The following SFPQ variants were observed in gnomAD, a reference collection of about 807,000 sequenced individuals.
SFPQ encodes the protein splicing factor, proline- and glutamine-rich.
In SFPQ, 11 loss-of-function variants were observed where a neutral mutation model predicts 72.9. The observed-to-expected ratio is 0.15, with a 90% confidence interval of 0.09 to 0.25. SFPQ has a LOEUF of 0.25. Ranked by LOEUF, SFPQ falls within the 10% of genes least tolerant of loss-of-function variation. The probability of loss-of-function intolerance (pLI) is 1.00; values close to 1 mark genes in which losing one functional copy is unlikely to be tolerated. For missense variants in SFPQ, 847 were observed against 993.3 expected (o/e 0.85, Z 1.98); for synonymous variants, 506 against 367.3 (o/e 1.38, Z -4.32).
downstream of SFPQ, chr1:35,181,344 T>C: frequency 9.4e-7 from 1 of 1,065,412 alleles, no homozygotes; most frequent in Non-Finnish European, 1.1e-6. Flanking sequence ...CTTAGTGGCT[T>C]GCCCAAGAAA....
At chr1:35,181,354 A>G (rs1259711116), downstream of SFPQ, 8 of 1,065,132 alleles carry the variant, frequency 7.5e-6, no homozygotes, top group Non-Finnish European at 6.8e-6. Context: ...TGCCCAAGAA[A>G]AGCCAAGTAT....
intron 5 of SFPQ, chr1:35,177,242 CATTAGT>C (rs1639283687): frequency 6.6e-6 from 1 of 152,112 alleles, no homozygotes; most frequent in Non-Finnish European, 1.5e-5. Flanking sequence ...ATGGTTCCCA[CATTAGT>C]ATTGTTATTT....
At position 35,185,438 on chromosome 1, in the gene SFPQ, C is replaced by A. The variant is rs553637971; in HGVS notation, c.1987-845G>T. On this transcript the variant is annotated intron_variant, in intron 9 of 9. Transcript: ENST00000357214. ...TAGACACTTCCCGAACAGTGAAACACGAAGCTAAAGTAACTGCAATAAAGC... is the reference window on the plus strand; with the variant it reads ...TAGACACTTCCCGAACAGTGAAACAAGAAGCTAAAGTAACTGCAATAAAGC... 2.0e-5 allele frequency among the ~76,000 whole-genome samples: 3 copies of A among 152,298 alleles called. No homozygotes were observed. In the South Asian group the frequency reaches 6.2e-4, roughly 32 times the overall value.
At chr1:35,181,758 C>T (rs1639477348), downstream of SFPQ, 2 of 985,352 alleles carry the variant, frequency 2.0e-6, no homozygotes, top group African/African-American at 3.5e-5. Context: ...CCCTTTCCCA[C>T]CCCAAGTTTC....
chr1:35,192,160 GGGC>G, intron 1 of SFPQ, 59 bp downstream of exon 1: 20 of 1,259,286 alleles, frequency 1.6e-5, no homozygotes, highest in Non-Finnish European at 2.0e-5. Context: ...GCGGGGGCGG[GGGC>G]GAGGAGGGGG....
chr1:35,185,898 T>A (rs1375663906), intron 9 of SFPQ, among the ~76,000 whole-genome samples: 2 of 152,148 alleles, frequency 1.3e-5, no homozygotes, highest in Non-Finnish European at 2.9e-5. Context: ...ATCTAGAATA[T>A]AAACCTTTAA....
chr1:35,181,225 TCA>T (rs1018257327), downstream of SFPQ: 4 of 1,065,680 alleles, frequency 3.8e-6, no homozygotes, highest in East Asian at 5.0e-5. Context: ...ACTACGTTCC[TCA>T]CAGTTACGCA....
In SFPQ at chr1:35,187,092, G is replaced by A; in HGVS notation, c.1895C>T (p.Pro632Leu). 1 of 1,613,928 alleles carries A rather than the reference G, an allele frequency of 6.2e-7. No homozygotes were observed. Among genetic ancestry groups the A allele is most frequent in the Non-Finnish European group, 8.5e-7 (1 of 1,179,906 alleles). The part of the protein sequence containing the change: ...DPYGSGGQKF[P>L]PLGGGGGIGY... ...TATGCCACCACCACCTCCTAGAGGT[G>A]GAAATTTCTGGCCTCCTGAACCATA... Residue 632 changes from proline (P) to leucine (L), a missense_variant, in exon 9 of 10, where the codon CCA becomes CTA. Transcript: ENST00000357214.
At position 35,191,275 on chromosome 1, in the gene SFPQ, G is replaced by C. The variant is rs967316983; in HGVS notation, c.1017+66C>G. 1.2e-5 allele frequency: 16 copies of C among 1,340,136 alleles called. No homozygotes were observed. In the Admixed American group the frequency reaches 3.0e-4, roughly 25 times the overall value. 83.0% of individuals were successfully genotyped at this position (1,340,136 alleles called of 1,614,324 possible). A position where few individuals can be genotyped will look rare whatever the true frequency, so the allele number is the denominator to read the frequency against. ...CCAGTTTAAAAACCAAGCCTTCAGC[G>C]TTTGTAGTGACAAAAAAATCCCCCA... On this transcript the variant is annotated intron_variant, in intron 2 of 9. Coordinates refer to ENST00000357214, the MANE Select transcript of SFPQ (RefSeq NM_005066.3).
At position 35,190,945 on chromosome 1, in the gene SFPQ, G is replaced by T. The variant is rs772758977; in HGVS notation, c.1068C>A (p.Pro356=). The part of the protein sequence containing the change: ...EIAKAELDDT[P]MRGRQLRVRF... ...GAACTCGAAGCTGTCTACCTCTCAT[G>T]GGTGTATCATCCAGTTCGGCTTTGG... The change falls in exon 3 of 10, where the codon CCC becomes CCA. Residue 356 remains proline, a synonymous_variant. Coordinates refer to ENST00000357214, the MANE Select transcript of SFPQ (RefSeq NM_005066.3). 1 of 1,614,118 alleles carries T rather than the reference G, an allele frequency of 6.2e-7. No individual in the cohort carries two copies. The highest frequency in any genetic ancestry group is 1.1e-5 in the South Asian group (1 of 91,074).
At chr1:35,186,923 C>A (rs1639747252) in intron 9 of SFPQ, 78 bp downstream of exon 9, 2 of 1,456,976 alleles carry the variant, frequency 1.4e-6, no homozygotes, top group Admixed American at 2.2e-5. Context: ...CTTAAAAAAA[C>A]AAAACAAAAC....
Position 35,191,000 on chromosome 1 carries a change from G to GT in SFPQ, c.1018-6dup. 3 of 1,609,976 alleles carry GT rather than the reference G, an allele frequency of 1.9e-6. No homozygotes were observed. The highest frequency in any genetic ancestry group is 1.1e-5 in the South Asian group (1 of 90,694). On this transcript the variant is annotated splice_region_variant and splice_polypyrimidine_tract_variant and intron_variant, in intron 2 of 9. Coordinates refer to ENST00000357214, the MANE Select transcript of SFPQ (RefSeq NM_005066.3). ...TTCAGCCAAAGCTCTAGATTCCTGT[G>GT]TATCAGAGACACTCATGTTAATGAC...
At chr1:35,191,154 C>T (rs1319410517) in intron 2 of SFPQ, among the ~76,000 whole-genome samples, 159 bp from the exon 3 acceptor site, 1 of 152,144 alleles carries the variant, frequency 6.6e-6, no homozygotes, top group Non-Finnish European at 1.5e-5. Flanking sequence ...ACCCACCCCA[C>T]CCCTCTTTTC....
chr1:35,176,814 C>T (rs556424224), intron 5 of SFPQ, among the ~76,000 whole-genome samples: 90 of 149,126 alleles, frequency 6.0e-4, no homozygotes, highest in African/African-American at 2.1e-3. Flanking sequence ...GCGGAGCTTG[C>T]GGTGAGCCAA....
At chr1:35,191,664 G>A (rs372785414) in intron 1 of SFPQ, 135 bp from the exon 2 acceptor site, 1 of 654,204 alleles carries the variant, frequency 1.5e-6, no homozygotes, top group African/African-American at 1.8e-5. Flanking sequence ...TTTACTATGT[G>A]AGATTTCTAA....
At chr1:35,181,073 A>G (rs556490575), downstream of SFPQ, 1 of 1,065,118 alleles carries the variant, frequency 9.4e-7, no homozygotes, top group East Asian at 5.0e-5. Context: ...GTGATGCCAG[A>G]ATGCCCACGG....
At chr1:35,187,902 C>T in intron 7 of SFPQ, 71 bp downstream of exon 7, 2 of 888,410 alleles carry the variant, frequency 2.3e-6, no homozygotes, top group Non-Finnish European at 3.7e-6. Context: ...TTAAAATTTC[C>T]TGTAATTCCT....
At position 35,192,840 on chromosome 1, in the gene SFPQ, T is replaced by C. The variant is rs1640110167; in HGVS notation, c.210A>G (p.Gln70=). Residue 70 remains glutamine (Q), a synonymous_variant, in exon 1 of 10, where the codon CAA becomes CAG. Coordinates refer to ENST00000357214, the MANE Select transcript of SFPQ (RefSeq NM_005066.3). ...IPPPPPHQQQ[Q]QPPPQQPPPQ... ...GCGGTGGCTGCTGCGGTGGTGGCTG[T>C]TGCTGCTGTTGGTGTGGAGGCGGTG... The C allele has an allele frequency of 6.6e-7, 1 of 1,525,176 alleles. No individual in the cohort carries two copies. Among genetic ancestry groups the C allele is most frequent in the African/African-American group, 1.4e-5 (1 of 70,058 alleles). 94.5% of individuals were successfully genotyped at this position (1,525,176 alleles called of 1,614,324 possible). A position where few individuals can be genotyped will look rare whatever the true frequency, so the allele number is the denominator to read the frequency against.
Position 35,182,997 on chromosome 1 carries a change from T to C in SFPQ, c.*1459A>G, listed in dbSNP as rs1639534451. ...TTGTACTGTGTAGCATGAGCAACTT[T>C]CTCCAGATTTAGTGCTACATGAAAA... is the stretch of plus-strand genomic sequence containing the variant. On this transcript the variant is annotated 3_prime_UTR_variant, in exon 10 of 10. Coordinates refer to ENST00000357214, the MANE Select transcript of SFPQ (RefSeq NM_005066.3). 1.9e-6 allele frequency: 2 copies of C among 1,040,028 alleles called. No homozygotes were observed. The highest frequency in any genetic ancestry group is 1.2e-4 in the East Asian group (2 of 17,096). 64.4% of individuals were successfully genotyped at this position (1,040,028 alleles called of 1,614,324 possible).
Sources: allele counts gnomAD v4.1 joint callset (sites outside exome capture counted in the v4.1 genomes callset), GRCh38; gene constraint gnomAD v4.1.1; transcripts MANE v1.5; gene names NCBI Gene and HGNC (gene_info 2026-07-23, HGNC 2026-07-21).